Variants in KCNN3 observed in about 807,000 individuals in gnomAD.
KCNN3 encodes potassium calcium-activated channel subfamily N member 3.
In KCNN3, 16 loss-of-function variants were observed where a neutral mutation model predicts 62.9. The ratio of observed to expected loss-of-function variants is 0.25; its 90% confidence interval spans 0.17 to 0.39. The LOEUF (loss-of-function observed/expected upper bound fraction) is 0.39, where lower values mean the gene tolerates loss of function less well. KCNN3 is among the 10% of genes least tolerant of loss of function. KCNN3 has a pLI of 1.00. For synonymous variants in KCNN3, 370 were observed against 389.2 expected, an observed-to-expected ratio of 0.95 and a Z score of 0.58; for missense variants, 599 against 949.4, an observed-to-expected ratio of 0.63 and a Z score of 4.85.
In KCNN3 at chr1:154,750,924, A is replaced by G. The variant is rs1647348168; in HGVS notation, c.1449-17780T>C. On this transcript the variant is annotated intron_variant, in intron 3 of 7. Coordinates refer to ENST00000271915, the MANE Select transcript of KCNN3 (RefSeq NM_002249.6). ...TGGACACGTGGCTGAAGGCCTGGGC[A>G]GCAGGGGCCTGCCTGCTGTGTCAGC... Among the ~76,000 whole-genome samples the G allele has an allele frequency of 3.9e-5, 6 of 152,358 alleles. No individual in the cohort carries two copies. The South Asian group carries it at 8.3e-4, about 21-fold the overall frequency.
intron 6 of KCNN3, among the ~76,000 whole-genome samples, chr1:154,714,241 G>GTGGTGTT (rs1700157664): frequency 7.3e-6 from 1 of 137,436 alleles, no homozygotes; most frequent in Non-Finnish European, 1.6e-5. Context: ...GGTGTGTGCG[G>GTGGTGTT]TGTGTATGGT....
intron 1 of KCNN3, among the ~76,000 whole-genome samples, chr1:154,828,377 C>T (rs1239287776): frequency 2.0e-5 from 3 of 151,710 alleles, no homozygotes; most frequent in African/African-American, 4.9e-5. Context: ...TTTCTTTTCC[C>T]AGGCATTTCT....
chr1:154,814,972 A>T lies in KCNN3; in HGVS notation c.1029+7117T>A, dbSNP rs182520667. Among the ~76,000 whole-genome samples, 562 of 152,332 alleles carry T rather than the reference A, an allele frequency of 3.7e-3. 2 individuals carry two copies. Among genetic ancestry groups the T allele is most frequent in the Middle Eastern group, 0.01 (3 of 294 alleles). On this transcript the variant is annotated intron_variant, in intron 2 of 7. Transcript: ENST00000271915. ...TGATCATCCAGGGGCACACTCATGA[A>T]AGTGGGACAGGAGAGGGATGTAAAC... is the stretch of plus-strand genomic sequence containing the variant.
Position 154,808,584 on chromosome 1 carries a change from CCACGGTGCCTGGCTCAGA to C in KCNN3, c.1029+13487_1029+13504del, listed in dbSNP as rs540575210. 1.4e-4 allele frequency among the ~76,000 whole-genome samples: 21 copies of C among 152,318 alleles called. No homozygotes were observed. The East Asian group carries it at 3.5e-3, about 25-fold the overall frequency. ...GTTTAGGGCAGGGACCTTGCTGTCC[CCACGGTGCCTGGCTCAGA>C]ACAGCCCTTCAATAGCTCTGTGCTG... On this transcript the variant is annotated intron_variant, in intron 2 of 7. Coordinates refer to ENST00000271915, the MANE Select transcript of KCNN3 (RefSeq NM_002249.6).
chr1:154,853,059 A>C lies in KCNN3; in HGVS notation c.933+15973T>G, dbSNP rs144408672. ...GGCTGGAGCACAGTGGCGTAATCAC[A>C]GCTCACTGCATCCTCGAATTCCTGG... On this transcript the variant is annotated intron_variant, in intron 1 of 7. Coordinates refer to ENST00000271915, the MANE Select transcript of KCNN3 (RefSeq NM_002249.6). 6.0e-4 allele frequency among the ~76,000 whole-genome samples: 91 copies of C among 152,280 alleles called. 1 individual carries two copies. Among genetic ancestry groups the C allele is most frequent in the African/African-American group, 2.2e-3 (90 of 41,552 alleles).
intron 2 of KCNN3, among the ~76,000 whole-genome samples, chr1:154,775,632 G>A (rs1010930546): frequency 8.3e-5 from 11 of 132,560 alleles, no homozygotes; most frequent in Non-Finnish European, 1.5e-4. Context: ...GCAACTGGCT[G>A]AGAGGCTCAC....
At chr1:154,846,945 C>T (rs891034623) in intron 1 of KCNN3, among the ~76,000 whole-genome samples, 2 of 152,284 alleles carry the variant, frequency 1.3e-5, no homozygotes, top group Admixed American at 6.5e-5. Context: ...CCACCACCCA[C>T]ACATGGATGT....
At chr1:154,818,221 T>A (rs570803443) in intron 2 of KCNN3, among the ~76,000 whole-genome samples, 3 of 152,008 alleles carry the variant, frequency 2.0e-5, no homozygotes, top group Admixed American at 2.0e-4. Context: ...AGAGATGGGG[T>A]GGGGTGCCAT....
At position 154,809,256 on chromosome 1, in the gene KCNN3, G is replaced by A. The variant is rs1003377217; in HGVS notation, c.1029+12833C>T. On this transcript the variant is annotated intron_variant, in intron 2 of 7. Transcript: ENST00000271915. This position sits in a 1 kb window ranked among gnomAD's most constrained non-coding sequence, Gnocchi z 4.3. ...GCCAAGCCCCAGCACCAGCAGCCAC[G>A]CTTTCATTTCACAGACTGTGAGTAA... is the stretch of plus-strand genomic sequence containing the variant. 1.3e-5 allele frequency among the ~76,000 whole-genome samples: 2 copies of A among 152,184 alleles called. No homozygotes were observed. Among genetic ancestry groups the A allele is most frequent in the African/African-American group, 2.4e-5 (1 of 41,434 alleles).
intron 2 of KCNN3, among the ~76,000 whole-genome samples, chr1:154,812,860 G>C (rs61811870): frequency 1.5e-3 from 229 of 152,262 alleles, no homozygotes; most frequent in Non-Finnish European, 2.7e-3. Flanking sequence ...TTAAGAGAAG[G>C]GACAGAAGTT....
chr1:154,822,344 A>G (rs1650937624), intron 1 of KCNN3, among the ~76,000 whole-genome samples, 160 bp from the exon 2 acceptor site: 1 of 152,190 alleles, frequency 6.6e-6, no homozygotes, highest in African/African-American at 2.4e-5. Flanking sequence ...GAGCCCCACA[A>G]AAGCCTTGGG....
At chr1:154,755,785 A>G (rs116637857) in intron 3 of KCNN3, among the ~76,000 whole-genome samples, 69,967 of 120,564 alleles carry the variant, frequency 0.58, 21,584 homozygotes, top group African/African-American at 0.76. Flanking sequence ...GGAGAGAGAG[A>G]GGGGAGGAGG....
At chr1:154,868,907 TC>T in intron 1 of KCNN3, 124 bp downstream of exon 1, 1 of 469,142 alleles carries the variant, frequency 2.1e-6, no homozygotes, top group East Asian at 2.3e-4. Flanking sequence ...TCAATCTCTC[TC>T]TCTCTCTCTC....
At chr1:154,789,461 T>G (rs1649420167) in intron 2 of KCNN3, among the ~76,000 whole-genome samples, 1 of 152,158 alleles carries the variant, frequency 6.6e-6, no homozygotes, top group African/African-American at 2.4e-5. Flanking sequence ...CCTACCACAT[T>G]ATGCTTTTGA....
At chr1:154,769,857 T>C (rs1648468076) in intron 3 of KCNN3, among the ~76,000 whole-genome samples, 1 of 152,226 alleles carries the variant, frequency 6.6e-6, no homozygotes, top group African/African-American at 2.4e-5. Context: ...TCCCAAGAGT[T>C]ATCAAGGGAT....
At chr1:154,861,826 G>A (rs552794539) in intron 1 of KCNN3, among the ~76,000 whole-genome samples, 15 of 152,316 alleles carry the variant, frequency 9.8e-5, no homozygotes, top group African/African-American at 2.6e-4. Context: ...GCGAAGCCTC[G>A]GCACAGGAAG....
intron 3 of KCNN3, among the ~76,000 whole-genome samples, chr1:154,742,736 C>G (rs1037737265): frequency 5.3e-5 from 8 of 152,210 alleles, no homozygotes; most frequent in Non-Finnish European, 8.8e-5. Context: ...TGCCGTCCTG[C>G]CTGCCTCGCG....
At position 154,702,351 on chromosome 1, in the gene KCNN3, T is replaced by C. The variant is rs1436208097; in HGVS notation, c.*5625A>G. The C allele has an allele frequency of 6.6e-6, 1 of 151,894 alleles. No individual in the cohort carries two copies. The highest frequency in any genetic ancestry group is 1.5e-5 in the Non-Finnish European group (1 of 67,994). 9.4% of individuals were successfully genotyped at this position (151,894 alleles called of 1,614,324 possible). A position where few individuals can be genotyped will look rare whatever the true frequency, so the allele number is the denominator to read the frequency against. ...TATATTTCATATTTAAAATAAACTG[T>C]TATGCTTTCTCCTATCATTAAAAAA... On this transcript the variant is annotated 3_prime_UTR_variant, in exon 8 of 8. Coordinates refer to ENST00000271915, the MANE Select transcript of KCNN3 (RefSeq NM_002249.6).
At chr1:154,718,760 C>T (rs1383199037) in intron 5 of KCNN3, among the ~76,000 whole-genome samples, 2 of 152,198 alleles carry the variant, frequency 1.3e-5, no homozygotes, top group African/African-American at 4.8e-5. Context: ...GGGTCCAGGG[C>T]TAGAGAGTGA....
Sources: gnomAD v4.1 joint callset for allele counts (sites outside exome capture counted in the v4.1 genomes callset) on GRCh38, gnomAD v4.1.1 for gene constraint, Gnocchi (gnomAD v3.1) non-coding constraint, MANE v1.5 for transcripts, NCBI Gene and HGNC (gene_info 2026-07-23, HGNC 2026-07-21) for gene names.